Variants in BBS1 observed in about 807,000 individuals in gnomAD.
BBS1 encodes the protein BBSome complex member BBS1.
In BBS1, 60 loss-of-function variants were observed where a neutral mutation model predicts 73.9. The ratio of observed to expected loss-of-function variants is 0.81; its 90% CI spans 0.66 to 1.01. The LOEUF (loss-of-function observed/expected upper bound fraction) is 1.01, where lower values mean the gene tolerates loss of function less well. BBS1 is among the 50% of genes least tolerant of loss of function. BBS1 has a pLI of 0.00. For missense variants in BBS1, 718 were observed against 770.3 expected (o/e 0.93, Z 0.80); for synonymous variants, 283 against 317.4 (o/e 0.89, Z 1.15).
In BBS1 at chr11:66,521,297, C is replaced by G. The variant is rs951217740; in HGVS notation, c.751C>G (p.Leu251Val). The change falls in exon 9 of 17, where the codon CTA becomes GTA. Residue 251 changes from leucine to valine, a missense_variant. By Grantham distance (32) the Leu-to-Val change is conservative (BLOSUM62 1). Coordinates refer to ENST00000318312, the MANE Select transcript of BBS1 (RefSeq NM_024649.5). ...KMSLPSVPVF[L>V]EVSGQFDVEF... ...GAGCCTTCCCAGCGTCCCCGTCTTC[C>G]TAGAGGTTTCTGGCCAGTTTGATGT... 45 of 1,614,108 alleles carry G rather than the reference C, an allele frequency of 2.8e-5. No homozygotes were observed. In the Middle Eastern group the frequency reaches 4.9e-4, roughly 18 times the overall value.
At chr11:66,521,095 G>T in intron 8 of BBS1, 175 bp from the exon 9 acceptor site, 2 of 668,740 alleles carry the variant, frequency 3.0e-6, no homozygotes, top group Non-Finnish European at 5.4e-6. Context: ...AGACTAAAAG[G>T]CTTTTGCTAA....
chr11:66,521,508 A>G lies in BBS1; in HGVS notation c.830+132A>G. 3 of 756,356 alleles carry G rather than the reference A, an allele frequency of 4.0e-6. 1 individual carries two copies. In the South Asian group the frequency reaches 4.4e-5, roughly 11 times the overall value. The allele number at this position is 756,356 out of a possible 1,614,324, so 46.9% of individuals were successfully genotyped here. On this transcript the variant is annotated intron_variant, in intron 9 of 16. Transcript: ENST00000318312. ...CAAAGAGCTGAGAACTTCATAAAGG[A>G]GGCTGAGCCCACAAACACAGGGGAG...
Position 66,514,416 on chromosome 11 carries a change from G to C in BBS1, c.170G>C (p.Gly57Ala). The C allele has an allele frequency of 6.2e-7, 1 of 1,614,088 alleles. No individual in the cohort carries two copies. Among genetic ancestry groups the C allele is most frequent in the South Asian group, 1.1e-5 (1 of 91,082 alleles). Reference sequence around the variant, plus strand: ...ATCCTCTCCCTGCAGCTGGTGGTAGGGGACCTTGGCCCTGGTGGGCAGCAG... The same window carrying C: ...ATCCTCTCCCTGCAGCTGGTGGTAGCGGACCTTGGCCCTGGTGGGCAGCAG... Reference protein sequence around the residue: ...HGDGEYKLVVGDLGPGGQQPR... With the variant: ...HGDGEYKLVVADLGPGGQQPR... Residue 57 changes from glycine to alanine, a missense_variant, in exon 4 of 17, where the codon GGG becomes GCG. Transcript: ENST00000318312.
chr11:66,516,007 G>C (rs1856041469), intron 7 of BBS1, 74 bp downstream of exon 7: 1 of 1,477,480 alleles, frequency 6.8e-7, no homozygotes, highest in South Asian at 1.1e-5. Context: ...AACATCAGTG[G>C]TAAATTCTAT....
chr11:66,516,510 G>A (rs1459321454), intron 7 of BBS1, among the ~76,000 whole-genome samples: 5 of 152,024 alleles, frequency 3.3e-5, no homozygotes, highest in Non-Finnish European at 7.4e-5. Flanking sequence ...GTAAGCTTTC[G>A]CCTTCCATTA....
intron 11 of BBS1, 33 bp from the exon 12 acceptor site, chr11:66,526,090 T>G: frequency 6.2e-7 from 1 of 1,611,118 alleles, no homozygotes; most frequent in Non-Finnish European, 8.5e-7. Flanking sequence ...CTCCAAGATA[T>G]TTCCCCAACT....
In BBS1 at chr11:66,531,041, C is replaced by T; in HGVS notation, c.1608+13C>T. On this transcript the variant is annotated intron_variant, in intron 15 of 16. Transcript: ENST00000318312. ...GGCCTTCTTCAAGGTACTGGATGCT[C>T]CTCACTTAGATATGGAGTGGGAAAG... The T allele has an allele frequency of 6.2e-7, 1 of 1,614,162 alleles. No homozygotes were observed. The highest frequency in any genetic ancestry group is 1.6e-4 in the Middle Eastern group (1 of 6,062).
intron 1 of BBS1, 101 bp from the exon 2 acceptor site, chr11:66,510,912 T>A (rs925611311): frequency 5.5e-6 from 8 of 1,441,858 alleles, no homozygotes; most frequent in Non-Finnish European, 7.8e-6. Context: ...TACCCAGACG[T>A]TCTGTACCTT....
Position 66,519,693 on chromosome 11 carries a change from C to A in BBS1, c.668C>A (p.Thr223Asn), listed in dbSNP as rs767750294. The change falls in exon 8 of 17, where the codon ACC becomes AAC. Residue 223 changes from threonine to asparagine, a missense_variant. Thr to Asn is a moderately conservative substitution (Grantham distance 65). Coordinates refer to ENST00000318312, the MANE Select transcript of BBS1 (RefSeq NM_024649.5). ...EDAVSCLVLG[T>N]ENKELLVLDP... ...GCTGTGTCTTGCCTGGTGCTGGGCA[C>A]CGAGAACAAGGAGCTCCTGGTGCTT... 3.7e-6 allele frequency: 6 copies of A among 1,613,760 alleles called. No individual in the cohort carries two copies. In the South Asian group the frequency reaches 4.4e-5, roughly 12 times the overall value.
At chr11:66,526,258 G>C (rs1856485891) in intron 12 of BBS1, 66 bp downstream of exon 12, 3 of 1,482,210 alleles carry the variant, frequency 2.0e-6, no homozygotes, top group South Asian at 2.3e-5. Context: ...TGCTTCTGGG[G>C]AAAGAGGAGG....
Position 66,531,948 on chromosome 11 carries a change from T to C in BBS1, c.1696-3T>C. 2 of 1,586,590 alleles carry C rather than the reference T, an allele frequency of 1.3e-6. No homozygotes were observed. The highest frequency in any genetic ancestry group is 8.6e-7 in the Non-Finnish European group (1 of 1,167,016). On this transcript the variant is annotated splice_region_variant and splice_polypyrimidine_tract_variant and intron_variant, in intron 16 of 16. Coordinates refer to ENST00000318312, the MANE Select transcript of BBS1 (RefSeq NM_024649.5). ...CCCTGCTGCCATGGCCACTCCTCCATAGGTGCTGGTGCTTCGAGAAGGCCA... is the reference window on the plus strand; with the variant it reads ...CCCTGCTGCCATGGCCACTCCTCCACAGGTGCTGGTGCTTCGAGAAGGCCA...
At chr11:66,530,401 C>T (rs1048969562) in intron 14 of BBS1, among the ~76,000 whole-genome samples, 1 of 152,072 alleles carries the variant, frequency 6.6e-6, no homozygotes, top group East Asian at 1.9e-4. Flanking sequence ...GGAGGAACCC[C>T]GCAAGGCTCA....
In BBS1 at chr11:66,521,319, A is replaced by G. The variant is rs1856205970; in HGVS notation, c.773A>G (p.Asp258Gly). Residue 258 changes from aspartate (D) to glycine (G), a missense_variant, in exon 9 of 17, where the codon GAT (aspartate) becomes GGT (glycine). Transcript: ENST00000318312. ...TTCCTAGAGGTTTCTGGCCAGTTTG[A>G]TGTTGAGTTCCGGCTTGCCGCGGCC... ...PVFLEVSGQF[D>G]VEFRLAAACR... 1 of 1,614,102 alleles carries G rather than the reference A, an allele frequency of 6.2e-7. No homozygotes were observed. Among genetic ancestry groups the G allele is most frequent in the African/African-American group, 1.3e-5 (1 of 74,926 alleles).
At chr11:66,517,343 A>G (rs1346600246) in intron 7 of BBS1, among the ~76,000 whole-genome samples, 1 of 152,154 alleles carries the variant, frequency 6.6e-6, no homozygotes, top group Non-Finnish European at 1.5e-5. Flanking sequence ...TGTAGAAACG[A>G]TAGGCATCAT....
intron 8 of BBS1, chr11:66,520,496 G>A (rs1856172995): frequency 6.5e-6 from 1 of 153,164 alleles, no homozygotes; most frequent in African/African-American, 2.4e-5. Flanking sequence ...TGTTGGCCAG[G>A]CTGGTCTCAA....
intron 9 of BBS1, chr11:66,521,657 G>A (rs1386034598): frequency 7.2e-6 from 3 of 415,594 alleles, no homozygotes; most frequent in Non-Finnish European, 1.4e-5. Flanking sequence ...TGTAATCCCA[G>A]CACTTTGGGA....
At position 66,514,679 on chromosome 11, in the gene BBS1, GTAAA is replaced by G. The variant is rs1555046629; in HGVS notation, c.432+9_432+12del. On this transcript the variant is annotated splice_donor_variant and splice_donor_5th_base_variant and intron_variant, in intron 4 of 16. Transcript: ENST00000318312. LOFTEE classifies it high-confidence loss of function. Reference sequence around the variant, plus strand: ...AGACCTTTGGAACCAGGCCAAAGAGGTAAATAAATAACATGGGAGTTGGGAACCA... The same window carrying G: ...AGACCTTTGGAACCAGGCCAAAGAGGTAAATAACATGGGAGTTGGGAACCA... 6.2e-7 allele frequency: 1 copy of G among 1,610,648 alleles called. No individual in the cohort carries two copies.
Position 66,515,696 on chromosome 11 carries a change from G to A in BBS1, c.483G>A (p.Glu161=), listed in dbSNP as rs745832920. The stretch of plus-strand genomic sequence containing the variant: ...ATGCTGGCCCCTTTCCTTGCAGGGA[G>A]ACGGCAGAGGAGCCTTTGTCCATCC... The part of the protein sequence containing the change: ...TLKEMLESIR[E]TAEEPLSIQS... The change falls in exon 6 of 17, where the codon GAG becomes GAA. Residue 161 remains glutamate, a synonymous_variant. Coordinates refer to ENST00000318312, the MANE Select transcript of BBS1 (RefSeq NM_024649.5). 30 of 1,614,110 alleles carry A rather than the reference G, an allele frequency of 1.9e-5. No individual in the cohort carries two copies. The highest frequency in any genetic ancestry group is 2.5e-5 in the Non-Finnish European group (30 of 1,180,062).
chr11:66,510,973 C>A (rs1855929297), intron 1 of BBS1, 40 bp from the exon 2 acceptor site: 1 of 1,607,608 alleles, frequency 6.2e-7, no homozygotes, highest in Non-Finnish European at 8.5e-7. Context: ...TTTCCCCTCC[C>A]ATGGGACTCA....
Sources: allele counts gnomAD v4.1 joint callset (sites outside exome capture counted in the v4.1 genomes callset), GRCh38; gene constraint gnomAD v4.1.1; transcripts MANE v1.5; gene names NCBI Gene and HGNC (gene_info 2026-07-23, HGNC 2026-07-21).